Variants in RANBP17 observed in about 807,000 individuals in gnomAD.
RANBP17 encodes RAN binding protein 17, also known as ran-binding protein 17.
In RANBP17, 158 loss-of-function variants were observed where a neutral mutation model predicts 141.2. The ratio of observed to expected loss-of-function variants is 1.12; its 90% CI spans 0.98 to 1.28. RANBP17 has a LOEUF of 1.28. RANBP17 is among the 50% of genes most tolerant of loss of function. The probability of loss-of-function intolerance (pLI) is 0.00; values close to 1 mark genes in which losing one functional copy is unlikely to be tolerated. For synonymous variants in RANBP17, 430 were observed against 450.0 expected, an observed-to-expected ratio of 0.96 and a Z score of 0.56; for missense variants, 1,438 against 1,290.7, an observed-to-expected ratio of 1.11 and a Z score of -1.75.
At chr5:170,867,535 A>G (rs1475699113) in intron 1 of RANBP17, among the ~76,000 whole-genome samples, 1 of 152,192 alleles carries the variant, frequency 6.6e-6, no homozygotes, top group Non-Finnish European at 1.5e-5. Context: ...GGAAGAAAAA[A>G]AGAGTTTGTG....
chr5:171,098,172 A>G (rs1425195238), intron 14 of RANBP17, among the ~76,000 whole-genome samples: 1 of 152,174 alleles, frequency 6.6e-6, no homozygotes, highest in Non-Finnish European at 1.5e-5. Flanking sequence ...TTGCTGGGTC[A>G]AATGGTATTT....
chr5:171,273,446 A>T (rs1767256380), intron 25 of RANBP17, among the ~76,000 whole-genome samples: 1 of 152,186 alleles, frequency 6.6e-6, no homozygotes, highest in African/African-American at 2.4e-5. Context: ...AATGAGGTAG[A>T]CATGAAGGAA....
At chr5:171,104,858 A>G (rs1754672153) in intron 14 of RANBP17, among the ~76,000 whole-genome samples, 1 of 152,176 alleles carries the variant, frequency 6.6e-6, no homozygotes, top group Admixed American at 6.5e-5. Flanking sequence ...TCTGTTGATG[A>G]TGTTGTCATT....
At chr5:171,267,903 T>C (rs1204963096) in intron 25 of RANBP17, among the ~76,000 whole-genome samples, 5 of 152,206 alleles carry the variant, frequency 3.3e-5, no homozygotes, top group African/African-American at 1.2e-4. Context: ...CTGCCATTTT[T>C]TGCTAATATT....
intron 25 of RANBP17, chr5:171,271,583 A>G (rs978111037): frequency 9.5e-6 from 2 of 209,468 alleles, no homozygotes; most frequent in Admixed American, 1.2e-4. Context: ...AGACATTTCC[A>G]GTGATCCTTA....
At chr5:171,244,067 A>G (rs1765056471) in intron 24 of RANBP17, among the ~76,000 whole-genome samples, 1 of 151,992 alleles carries the variant, frequency 6.6e-6, no homozygotes, top group Non-Finnish European at 1.5e-5. Context: ...AGCCTGGGCA[A>G]CAAGAATGAA....
intron 1 of RANBP17, chr5:170,863,727 A>T (rs1446759698): frequency 6.6e-6 from 1 of 152,206 alleles, no homozygotes; most frequent in Non-Finnish European, 1.5e-5. Context: ...TGGAAAGGTG[A>T]TGTACAGTTA....
chr5:170,917,520 A>G (rs935157381), intron 9 of RANBP17, among the ~76,000 whole-genome samples: 5 of 152,158 alleles, frequency 3.3e-5, no homozygotes, highest in Admixed American at 2.6e-4. Context: ...GGTTTACCTA[A>G]TTCTCTTGGT....
chr5:171,102,420 C>T (rs1290281400), intron 14 of RANBP17, among the ~76,000 whole-genome samples: 3 of 151,866 alleles, frequency 2.0e-5, no homozygotes, highest in Non-Finnish European at 2.9e-5. Context: ...ACAAACTTCT[C>T]GTGCTGTTTT....
chr5:171,030,077 A>G (rs1037369796), intron 14 of RANBP17, among the ~76,000 whole-genome samples: 2 of 152,194 alleles, frequency 1.3e-5, no homozygotes, highest in East Asian at 3.9e-4. Flanking sequence ...TGAAGTTAAT[A>G]TACTTCAGTG....
chr5:170,977,107 C>T (rs180970102), intron 14 of RANBP17, among the ~76,000 whole-genome samples: 1 of 152,018 alleles, frequency 6.6e-6, no homozygotes, highest in Non-Finnish European at 1.5e-5. Flanking sequence ...ATAAAGGTCT[C>T]GCATCTAGAA....
intron 14 of RANBP17, among the ~76,000 whole-genome samples, chr5:171,014,374 G>C (rs1480307661): frequency 1.3e-5 from 2 of 151,598 alleles, no homozygotes; most frequent in African/African-American, 4.8e-5. Context: ...CTTTTTATCT[G>C]TTTTATTCAA....
chr5:171,292,222 A>G (rs1768535984), intron 25 of RANBP17, among the ~76,000 whole-genome samples: 1 of 152,250 alleles, frequency 6.6e-6, no homozygotes, highest in South Asian at 2.1e-4. Flanking sequence ...GAGACTGGAC[A>G]TACCATAAAT....
intron 14 of RANBP17, among the ~76,000 whole-genome samples, chr5:170,999,613 A>C (rs1326487001): frequency 6.6e-6 from 1 of 152,178 alleles, no homozygotes; most frequent in Non-Finnish European, 1.5e-5. Flanking sequence ...GTGCTTAGAA[A>C]AATATGGGAA....
intron 1 of RANBP17, among the ~76,000 whole-genome samples, chr5:170,870,988 T>C (rs1767673639): frequency 6.6e-6 from 1 of 152,218 alleles, no homozygotes; most frequent in Non-Finnish European, 1.5e-5. Flanking sequence ...TGAACTTTTT[T>C]TCATGTGTTT....
At chr5:171,236,570 G>A (rs866078755) in intron 22 of RANBP17, among the ~76,000 whole-genome samples, 51 of 152,046 alleles carry the variant, frequency 3.4e-4, no homozygotes, top group African/African-American at 1.2e-3. Flanking sequence ...ATTTTATACC[G>A]CACACACTCA....
At chr5:171,164,673 TA>T (rs1162780566) in intron 14 of RANBP17, among the ~76,000 whole-genome samples, 2 of 152,232 alleles carry the variant, frequency 1.3e-5, no homozygotes, top group Non-Finnish European at 2.9e-5. Flanking sequence ...AAATCTGTAA[TA>T]ATGATAATTC....
intron 12 of RANBP17, among the ~76,000 whole-genome samples, chr5:170,926,719 G>A (rs1354849385): frequency 1.3e-5 from 2 of 151,706 alleles, no homozygotes; most frequent in Non-Finnish European, 2.9e-5. Context: ...AACTTAAAAT[G>A]TGTTCTGTTC....
At chr5:170,919,875 T>C (rs78804002) in intron 11 of RANBP17, among the ~76,000 whole-genome samples, 3 of 141,780 alleles carry the variant, frequency 2.1e-5, no homozygotes, top group Admixed American at 1.4e-4. Flanking sequence ...GTACCTGTAA[T>C]TTTTTTTTTG....
Sources: allele counts gnomAD v4.1 joint callset (sites outside exome capture counted in the v4.1 genomes callset), GRCh38; gene constraint gnomAD v4.1.1; transcripts MANE v1.5; gene names NCBI Gene and HGNC (gene_info 2026-07-23, HGNC 2026-07-21).